Variants in TM7SF3 observed in about 807,000 individuals in gnomAD.
TM7SF3 encodes transmembrane 7 superfamily member 3, also known as seven span transmembrane protein.
TM7SF3 carries 60 observed loss-of-function variants against 65.5 expected under a neutral mutation model. The observed-to-expected ratio is 0.92, with a 90% CI of 0.74 to 1.14. The LOEUF is 1.14. Ranked by LOEUF, TM7SF3 falls within the 50% of genes most tolerant of loss-of-function variation. The probability of loss-of-function intolerance (pLI) is 0.00; values close to 1 mark genes in which losing one functional copy is unlikely to be tolerated. For synonymous variants in TM7SF3, 264 were observed against 259.6 expected, an observed-to-expected ratio of 1.02 and a Z score of -0.16; for missense variants, 623 against 684.8, an observed-to-expected ratio of 0.91 and a Z score of 1.01.
At chr12:26,990,208 C>A (rs1347582755) in intron 6 of TM7SF3, among the ~76,000 whole-genome samples, 2 of 152,176 alleles carry the variant, frequency 1.3e-5, no homozygotes, top group African/African-American at 4.8e-5. Context: ...TAGCACTCAC[C>A]ATTTTCTCAC....
chr12:26,985,032 T>C (rs1369599558), intron 6 of TM7SF3, among the ~76,000 whole-genome samples: 1 of 152,120 alleles, frequency 6.6e-6, no homozygotes, highest in African/African-American at 2.4e-5. Context: ...AGAACTAACA[T>C]CACTAGGAAG....
intron 7 of TM7SF3, among the ~76,000 whole-genome samples, chr12:26,981,582 T>A (rs1406916816): frequency 6.6e-6 from 1 of 152,062 alleles, no homozygotes; most frequent in East Asian, 1.9e-4. Flanking sequence ...TGTTACAGAA[T>A]CATTCTACAT....
rs1221496369 is a variant in TM7SF3, at chr12:26,999,574, T to C, written c.349A>G (p.Ile117Val). ...ATAGCCATATTCTGGACAGGCTGTA[T>C]GCCTGAAGTCCCCAAGTACCAAGTG... ...TCTWYLGTSG[I>V]QPVQNMAILL... The change falls in exon 3 of 12, where the codon ATA becomes GTA. Residue 117 changes from isoleucine (I) to valine (V), a missense_variant. Physicochemically the swap from Ile to Val is conservative, Grantham distance 29. Coordinates refer to ENST00000343028, the MANE Select transcript of TM7SF3 (RefSeq NM_016551.3). The C allele has an allele frequency of 1.9e-6, 3 of 1,614,018 alleles. No homozygotes were observed. Among genetic ancestry groups the C allele is most frequent in the African/African-American group, 1.3e-5 (1 of 74,920 alleles).
At chr12:26,997,179 T>C (rs1042202591) in intron 3 of TM7SF3, among the ~76,000 whole-genome samples, 3 of 152,128 alleles carry the variant, frequency 2.0e-5, no homozygotes, top group Admixed American at 1.3e-4. Flanking sequence ...CCACAGGCAA[T>C]ACGTACAGGA....
chr12:26,976,496 C>A (rs1292385613), intron 9 of TM7SF3, 139 bp from the exon 10 acceptor site: 5 of 631,312 alleles, frequency 7.9e-6, no homozygotes, highest in African/African-American at 1.8e-5. Context: ...GAAATGAATT[C>A]TAATTTTCTT....
chr12:26,982,739 A>G, intron 7 of TM7SF3, 34 bp downstream of exon 7: 1 of 1,508,128 alleles, frequency 6.6e-7, no homozygotes, highest in Non-Finnish European at 9.1e-7. Context: ...AAAAGACTGC[A>G]AAATGGAAAT....
At chr12:27,002,929 G>A (rs1940892747) in intron 2 of TM7SF3, among the ~76,000 whole-genome samples, 2 of 152,198 alleles carry the variant, frequency 1.3e-5, no homozygotes, top group African/African-American at 4.8e-5. Context: ...ACTAAAGTAA[G>A]AAAATGAAAA....
At chr12:27,001,648 T>C (rs574887767) in intron 2 of TM7SF3, among the ~76,000 whole-genome samples, 1 of 152,340 alleles carries the variant, frequency 6.6e-6, no homozygotes, top group Non-Finnish European at 1.5e-5. Flanking sequence ...CTTCAAATGT[T>C]GTCTTGCTGT....
intron 1 of TM7SF3, among the ~76,000 whole-genome samples, chr12:27,010,467 A>G (rs148205691): frequency 6.6e-6 from 1 of 152,248 alleles, no homozygotes; most frequent in Non-Finnish European, 1.5e-5. Flanking sequence ...AAGACAACTT[A>G]AACAGCTCAG....
At chr12:27,007,689 C>G (rs1158377723) in intron 1 of TM7SF3, among the ~76,000 whole-genome samples, 1 of 152,158 alleles carries the variant, frequency 6.6e-6, no homozygotes, top group Non-Finnish European at 1.5e-5. Flanking sequence ...AATTAACCAG[C>G]ACCTAAACAG....
chr12:26,973,753 C>A lies in TM7SF3; in HGVS notation c.*212G>T. 1 of 509,362 alleles carries A rather than the reference C, an allele frequency of 2.0e-6. No individual in the cohort carries two copies. The allele number at this position is 509,362 out of a possible 1,614,324, so 31.6% of individuals were successfully genotyped here. The stretch of plus-strand genomic sequence containing the variant: ...GTATTTGGAAATAAGAAAAAGCCTC[C>A]CTACCACCAACCTTTTGGTCATCTT... On this transcript the variant is annotated 3_prime_UTR_variant, in exon 12 of 12. Transcript: ENST00000343028.
At chr12:27,011,246 A>G (rs943018192) in intron 1 of TM7SF3, among the ~76,000 whole-genome samples, 1 of 152,244 alleles carries the variant, frequency 6.6e-6, no homozygotes, top group African/African-American at 2.4e-5. Flanking sequence ...TTGGTAAAGC[A>G]TCATCAATAG....
rs887308770 is a variant in TM7SF3, at chr12:26,972,165, G to A, written c.*1800C>T. 1 of 152,110 alleles carries A rather than the reference G, an allele frequency of 6.6e-6. No individual in the cohort carries two copies. Among genetic ancestry groups the A allele is most frequent in the Non-Finnish European group, 1.5e-5 (1 of 68,036 alleles). The allele number at this position is 152,110 out of a possible 1,614,324, so 9.4% of individuals were successfully genotyped here. A position where few individuals can be genotyped will look rare whatever the true frequency, so the allele number is the denominator to read the frequency against. Reference sequence around the variant, plus strand: ...GTAAGTATGCAACCCAGGGTGTCGGGTGCTTTCTTGTGGTGAAACAAGGGT... The same window carrying A: ...GTAAGTATGCAACCCAGGGTGTCGGATGCTTTCTTGTGGTGAAACAAGGGT... On this transcript the variant is annotated 3_prime_UTR_variant, in exon 12 of 12. Coordinates refer to ENST00000343028, the MANE Select transcript of TM7SF3 (RefSeq NM_016551.3).
intron 2 of TM7SF3, among the ~76,000 whole-genome samples, chr12:27,000,045 C>T (rs1940767294): frequency 6.6e-6 from 1 of 152,176 alleles, no homozygotes; most frequent in Middle Eastern, 3.2e-3. Flanking sequence ...CTCCCAACTT[C>T]TTGTTGTATC....
chr12:26,990,655 T>G, intron 5 of TM7SF3, 28 bp from the exon 6 acceptor site: 1 of 1,583,306 alleles, frequency 6.3e-7, no homozygotes, highest in Non-Finnish European at 8.6e-7. Context: ...ACATGATTAG[T>G]GTTTAGGGGA....
chr12:26,985,867 G>T (rs1333089969), intron 6 of TM7SF3, among the ~76,000 whole-genome samples: 8 of 98,516 alleles, frequency 8.1e-5, no homozygotes, highest in African/African-American at 3.3e-4. Flanking sequence ...AGGCTAGAGT[G>T]CAGTGGCGCG....
chr12:26,985,537 A>G (rs1940010108), intron 6 of TM7SF3, among the ~76,000 whole-genome samples: 1 of 147,036 alleles, frequency 6.8e-6, no homozygotes, highest in African/African-American at 2.5e-5. Context: ...AGGTACGTGA[A>G]TTACTTGAAC....
chr12:27,013,768 T>C (rs567160895), intron 1 of TM7SF3, among the ~76,000 whole-genome samples: 3 of 152,184 alleles, frequency 2.0e-5, no homozygotes, highest in African/African-American at 7.2e-5. Context: ...AGAGGCGCTT[T>C]AGTAAGTTGA....
In TM7SF3 at chr12:26,974,142, G is replaced by C. The variant is rs199657283; in HGVS notation, c.1536C>G (p.Phe512Leu). Reference protein sequence around the residue: ...QIRRERGRPFFPPHPYKLWKQ... With the variant: ...QIRRERGRPFLPPHPYKLWKQ... ...TCCATAACTTGTATGGGTGGGGAGG[G>C]AAGAACGGTCGTCCTCTCTCTCTTC... Residue 512 changes from phenylalanine (F) to leucine (L), a missense_variant, in exon 12 of 12, where the codon TTC (phenylalanine) becomes TTG (leucine). Transcript: ENST00000343028. The C allele has an allele frequency of 6.2e-7, 1 of 1,614,184 alleles. No homozygotes were observed. Among genetic ancestry groups the C allele is most frequent in the Non-Finnish European group, 8.5e-7 (1 of 1,180,024 alleles).
Sources: allele counts gnomAD v4.1 joint callset (sites outside exome capture counted in the v4.1 genomes callset), GRCh38; gene constraint gnomAD v4.1.1; transcripts MANE v1.5; gene names NCBI Gene and HGNC (gene_info 2026-07-23, HGNC 2026-07-21).